ST8SIA6: variants seen among roughly 807,000 people sequenced by gnomAD.
The protein encoded by ST8SIA6 is ST8 alpha-N-acetyl-neuraminide alpha-2,8-sialyltransferase 6, also known as alpha-2,8-sialyltransferase 8F.
In ST8SIA6, 39 loss-of-function variants were observed where a neutral mutation model predicts 33.6. The ratio of observed to expected loss-of-function variants is 1.16; its 90% CI spans 0.90 to 1.52. The LOEUF (loss-of-function observed/expected upper bound fraction) is 1.52. Ranked by LOEUF, ST8SIA6 falls within the 40% of genes most tolerant of loss-of-function variation. ST8SIA6 has a pLI of 0.00. For synonymous variants in ST8SIA6, 172 were observed against 167.2 expected, an observed-to-expected ratio of 1.03 and a Z score of -0.22; for missense variants, 441 against 443.8, an observed-to-expected ratio of 0.99 and a Z score of 0.06.
At chr10:17,421,846 C>G (rs1851789280) in intron 2 of ST8SIA6, among the ~76,000 whole-genome samples, 1 of 152,304 alleles carries the variant, frequency 6.6e-6, no homozygotes, top group African/African-American at 2.4e-5. Context: ...GGATAATAGG[C>G]AGGTGCCACT....
chr10:17,438,490 C>G (rs1852361793), intron 2 of ST8SIA6, among the ~76,000 whole-genome samples: 1 of 151,812 alleles, frequency 6.6e-6, no homozygotes, highest in Non-Finnish European at 1.5e-5. Flanking sequence ...AAAAAAATGA[C>G]ACCTATAAAA....
intron 3 of ST8SIA6, among the ~76,000 whole-genome samples, chr10:17,385,295 ACTTCGAGT>A (rs1477276591): frequency 6.6e-6 from 1 of 152,150 alleles, no homozygotes; most frequent in African/African-American, 2.4e-5. Context: ...TTCCCCCCAC[ACTTCGAGT>A]CTTCCTGCCT....
intron 2 of ST8SIA6, among the ~76,000 whole-genome samples, chr10:17,411,422 A>G (rs1851445694): frequency 6.6e-6 from 1 of 152,088 alleles, no homozygotes; most frequent in African/African-American, 2.4e-5. Flanking sequence ...ACCTCAGGTG[A>G]TCTTCCCACC....
intron 4 of ST8SIA6, among the ~76,000 whole-genome samples, chr10:17,355,734 G>A (rs546019495): frequency 4.3e-4 from 66 of 152,208 alleles, no homozygotes; most frequent in Non-Finnish European, 7.1e-4. Context: ...TTGCTCTTGG[G>A]CTCCTGGTAG....
intron 2 of ST8SIA6, among the ~76,000 whole-genome samples, chr10:17,451,679 G>A (rs1055932963): frequency 2.6e-5 from 4 of 152,244 alleles, no homozygotes; most frequent in African/African-American, 9.6e-5. Flanking sequence ...ATTACCATGA[G>A]GCTCATGTGG....
intron 3 of ST8SIA6, among the ~76,000 whole-genome samples, chr10:17,384,498 GA>G (rs1274343692): frequency 5.9e-5 from 9 of 152,146 alleles, no homozygotes; most frequent in Non-Finnish European, 1.2e-4. Context: ...ACTGGAGAGA[GA>G]AAAAAATTGT....
In ST8SIA6 at chr10:17,411,227, C is replaced by T. The variant is rs1021164129; in HGVS notation, c.201-20607G>A. Among the ~76,000 whole-genome samples, 3 of 151,950 alleles carry T rather than the reference C, an allele frequency of 2.0e-5. No homozygotes were observed. The South Asian group carries it at 6.2e-4, about 32-fold the overall frequency. ...GTGTGATAGAATTTCACTCTTGTCG[C>T]CCAGGCTGGAGTGCAGTGCGATCTC... On this transcript the variant is annotated intron_variant, in intron 2 of 7. Transcript: ENST00000377602.
chr10:17,326,654 TAAAA>T (rs1209848753), intron 6 of ST8SIA6, among the ~76,000 whole-genome samples: 4 of 151,756 alleles, frequency 2.6e-5, no homozygotes, highest in African/African-American at 4.8e-5. Flanking sequence ...AACAAACAAA[TAAAA>T]AAAGATCTTC....
chr10:17,359,269 A>T (rs1345698521), intron 4 of ST8SIA6, among the ~76,000 whole-genome samples: 1 of 152,232 alleles, frequency 6.6e-6, no homozygotes, highest in Non-Finnish European at 1.5e-5. Context: ...CTTACAAAAC[A>T]TACTAAAATC....
At position 17,317,851 on chromosome 10, in the gene ST8SIA6, C is replaced by G. The variant is rs1847823768; in HGVS notation, c.*3027G>C. Among the ~76,000 whole-genome samples, 1 of 152,170 alleles carries G rather than the reference C, an allele frequency of 6.6e-6. No individual in the cohort carries two copies. The highest frequency in any genetic ancestry group is 1.5e-5 in the Non-Finnish European group (1 of 68,028). On this transcript the variant is annotated 3_prime_UTR_variant, in exon 8 of 8. Coordinates refer to ENST00000377602, the MANE Select transcript of ST8SIA6 (RefSeq NM_001004470.3). ...CACGCAGTTACTGGGTTAGGACTTA[C>G]ATGAAGAAGGAAATATCCTTTAGTG... is the stretch of plus-strand genomic sequence containing the variant.
chr10:17,377,117 C>T (rs113059557), intron 3 of ST8SIA6, among the ~76,000 whole-genome samples: 1 of 152,144 alleles, frequency 6.6e-6, no homozygotes, highest in South Asian at 2.1e-4. Flanking sequence ...TTTGTTCCTG[C>T]CCCACCCTAA....
chr10:17,379,778 G>A (rs1028871392), intron 3 of ST8SIA6, among the ~76,000 whole-genome samples: 1 of 152,156 alleles, frequency 6.6e-6, no homozygotes, highest in Admixed American at 6.5e-5. Flanking sequence ...CCTTGGGCAC[G>A]TGTCATCAGG....
intron 5 of ST8SIA6, among the ~76,000 whole-genome samples, chr10:17,330,558 G>C (rs984470500): frequency 2.0e-5 from 3 of 151,866 alleles, no homozygotes; most frequent in African/African-American, 7.3e-5. Context: ...AAAAAAATTG[G>C]AACAATTTAC....
chr10:17,419,100 C>T (rs529038289), intron 2 of ST8SIA6, among the ~76,000 whole-genome samples: 23 of 151,246 alleles, frequency 1.5e-4, no homozygotes, highest in African/African-American at 5.3e-4. Flanking sequence ...CATTTTTTCC[C>T]TTTGTCATTT....
At chr10:17,428,686 C>A (rs965777084) in intron 2 of ST8SIA6, among the ~76,000 whole-genome samples, 2 of 151,856 alleles carry the variant, frequency 1.3e-5, no homozygotes, top group Non-Finnish European at 2.9e-5. Flanking sequence ...GGCGCAGAGG[C>A]CAGACAGAAG....
chr10:17,351,859 T>C (rs993370544), intron 4 of ST8SIA6, among the ~76,000 whole-genome samples: 2 of 152,166 alleles, frequency 1.3e-5, no homozygotes, highest in African/African-American at 2.4e-5. Flanking sequence ...GTTGAACTTA[T>C]AGAAGTACAG....
chr10:17,419,053 AAAT>A (rs1851697700), intron 2 of ST8SIA6, among the ~76,000 whole-genome samples: 1 of 150,974 alleles, frequency 6.6e-6, no homozygotes, highest in Admixed American at 6.6e-5. Flanking sequence ...ATGGTTTCCA[AAAT>A]AAATCTTTAT....
At chr10:17,362,753 C>T (rs113715341) in intron 3 of ST8SIA6, among the ~76,000 whole-genome samples, 21,811 of 152,092 alleles carry the variant, frequency 0.14, 1,767 homozygotes, top group South Asian at 0.2. Context: ...GCTTTGTTGC[C>T]CAGGCTGGAG....
At chr10:17,333,717 ATTTTTTTTTTT>A (rs71392102) in intron 4 of ST8SIA6, among the ~76,000 whole-genome samples, 1 of 33,754 alleles carries the variant, frequency 3.0e-5, no homozygotes, top group Non-Finnish European at 4.6e-5. Context: ...ATATATATAT[ATTTTTTTTTTT>A]TTTTTTTTTT....
Sources: gnomAD v4.1 joint callset for allele counts (sites outside exome capture counted in the v4.1 genomes callset) on GRCh38, gnomAD v4.1.1 for gene constraint, MANE v1.5 for transcripts, NCBI Gene and HGNC (gene_info 2026-07-23, HGNC 2026-07-21) for gene names.